The following ATP11A variants were observed in gnomAD, a reference collection of about 807,000 sequenced individuals.
The protein encoded by ATP11A is phospholipid-transporting ATPase IH.
In ATP11A, 81 loss-of-function variants were observed where a neutral mutation model predicts 154.4. The observed-to-expected ratio is 0.52, with a 90% CI of 0.44 to 0.63. The LOEUF (loss-of-function observed/expected upper bound fraction) is 0.63. ATP11A is among the 30% of genes least tolerant of loss of function. The pLI is 0.00. For synonymous variants in ATP11A, 623 were observed against 585.9 expected, an observed-to-expected ratio of 1.06 and a Z score of -0.91; for missense variants, 1,316 against 1,474.3, an observed-to-expected ratio of 0.89 and a Z score of 1.76.
chr13:112,837,093 G>A (rs73569075), intron 16 of ATP11A, among the ~76,000 whole-genome samples: 1,663 of 152,246 alleles, frequency 0.011, 28 homozygotes, highest in African/African-American at 0.038. Context: ...ACGTGCAGGC[G>A]CCCCTGGCTG....
At chr13:112,860,598 C>G in intron 24 of ATP11A, 184 bp downstream of exon 24, 1 of 644,942 alleles carries the variant, frequency 1.6e-6, no homozygotes, top group South Asian at 2.2e-5. Flanking sequence ...AATGGAGATT[C>G]TTCAAGTCTT....
At chr13:112,717,298 C>T (rs1019587176) in intron 1 of ATP11A, 2 of 152,174 alleles carry the variant, frequency 1.3e-5, no homozygotes, top group Admixed American at 1.3e-4. Flanking sequence ...TCACATCCAA[C>T]TTGTTTTTCT....
intron 17 of ATP11A, among the ~76,000 whole-genome samples, chr13:112,843,965 C>T (rs1006735924): frequency 2.6e-5 from 4 of 152,198 alleles, no homozygotes; most frequent in African/African-American, 4.8e-5. Flanking sequence ...CACTGACTTC[C>T]ACCAGCCACA....
intron 16 of ATP11A, among the ~76,000 whole-genome samples, chr13:112,841,512 G>A (rs1012523915): frequency 4.7e-5 from 7 of 148,186 alleles, no homozygotes; most frequent in African/African-American, 1.3e-4. Flanking sequence ...AGAGTGCCAC[G>A]TGGCTTGGTG....
At chr13:112,770,881 C>T (rs9577836) in intron 1 of ATP11A, among the ~76,000 whole-genome samples, 47,994 of 152,144 alleles carry the variant, frequency 0.32, 8,702 homozygotes, top group Middle Eastern at 0.46. Flanking sequence ...AAGCTATACA[C>T]GGACGGCAGA....
At chr13:112,714,810 C>T (rs1888237131) in intron 1 of ATP11A, among the ~76,000 whole-genome samples, 1 of 152,222 alleles carries the variant, frequency 6.6e-6, no homozygotes, top group South Asian at 2.1e-4. Flanking sequence ...CATGCAACAT[C>T]TTGTCTAGAT....
chr13:112,857,593 T>C (rs745531210), intron 20 of ATP11A, among the ~76,000 whole-genome samples: 7 of 152,260 alleles, frequency 4.6e-5, no homozygotes, highest in Non-Finnish European at 1.0e-4. Context: ...CACGTCATTT[T>C]AATCATACCT....
intron 1 of ATP11A, among the ~76,000 whole-genome samples, chr13:112,700,694 C>T (rs530545960): frequency 6.6e-6 from 1 of 152,244 alleles, no homozygotes; most frequent in African/African-American, 2.4e-5. Context: ...GTCCCCTTCA[C>T]TCGCAGAAGC....
rs2080951718 is a variant in ATP11A at position 112,885,068 on chromosome 13, C to T, written c.*3202C>T. 6.6e-6 allele frequency: 1 copy of T among 150,988 alleles called. No individual in the cohort carries two copies. 9.4% of individuals were successfully genotyped at this position (150,988 alleles called of 1,614,324 possible). A position where few individuals can be genotyped will look rare whatever the true frequency, so the allele number is the denominator to read the frequency against. On this transcript the variant is annotated 3_prime_UTR_variant, in exon 30 of 30. Transcript: ENST00000375645. ...ACAAACGTGTACACAAGTGTGAGCT[C>T]CTACACGCATACACACACACACGTG...
rs575786378 is a variant in ATP11A, at chr13:112,872,033, A to C, written c.3057+233A>C. Among the ~76,000 whole-genome samples, 5 of 152,344 alleles carry C rather than the reference A, an allele frequency of 3.3e-5. No homozygotes were observed. The South Asian group carries it at 1.0e-3, about 32-fold the overall frequency. ...CACCCCATGTGCAAACCCCAGAGCT[A>C]CACCGGAGGTAACCTCGGGAGCAAG... is the stretch of plus-strand genomic sequence containing the variant. On this transcript the variant is annotated intron_variant, in intron 26 of 29. Coordinates refer to ENST00000375645, the MANE Select transcript of ATP11A (RefSeq NM_015205.3).
chr13:112,868,628 A>G (rs1414655130), intron 25 of ATP11A, among the ~76,000 whole-genome samples: 1 of 152,182 alleles, frequency 6.6e-6, no homozygotes, highest in Non-Finnish European at 1.5e-5. Flanking sequence ...TCCCTGTGAA[A>G]AGCCCTTTGA....
At chr13:112,730,120 C>T (rs1161217082) in intron 1 of ATP11A, among the ~76,000 whole-genome samples, 1 of 152,198 alleles carries the variant, frequency 6.6e-6, no homozygotes, top group African/African-American at 2.4e-5. Context: ...GGGAACCCTT[C>T]GCAGCGGCCC....
intron 1 of ATP11A, among the ~76,000 whole-genome samples, chr13:112,734,132 C>G (rs1210791576): frequency 6.6e-6 from 1 of 152,140 alleles, no homozygotes. Context: ...CTGGGCTTCA[C>G]TAACTGTGCT....
chr13:112,765,638 G>A (rs2077057680), intron 1 of ATP11A, among the ~76,000 whole-genome samples: 1 of 152,214 alleles, frequency 6.6e-6, no homozygotes, highest in Non-Finnish European at 1.5e-5. Flanking sequence ...TGAGTCACGG[G>A]TTTGAGAGAG....
At chr13:112,860,696 G>T (rs527927301) in intron 24 of ATP11A, 7 of 294,516 alleles carry the variant, frequency 2.4e-5, no homozygotes, top group Non-Finnish European at 3.2e-5. Context: ...GGGAGCTGGG[G>T]TACAAGCGTC....
chr13:112,810,124 A>G (rs2078447963), intron 4 of ATP11A, among the ~76,000 whole-genome samples: 1 of 152,110 alleles, frequency 6.6e-6, no homozygotes, highest in African/African-American at 2.4e-5. Flanking sequence ...CAGATCTCAT[A>G]ACAATCAGTT....
At chr13:112,858,326 A>C (rs1362764550) in intron 22 of ATP11A, 36 bp downstream of exon 22, 1 of 1,590,066 alleles carries the variant, frequency 6.3e-7, no homozygotes, top group South Asian at 1.1e-5. Flanking sequence ...CGGTGTTAGC[A>C]ACAGGTCACG....
intron 1 of ATP11A, among the ~76,000 whole-genome samples, chr13:112,748,322 A>G (rs946311751): frequency 6.6e-6 from 1 of 152,220 alleles, no homozygotes; most frequent in African/African-American, 2.4e-5. Flanking sequence ...ATCATGTAGT[A>G]GATATATTTA....
rs544427388 is a variant in ATP11A, at chr13:112,786,895, G to A, written c.162+1638G>A. ...AGTGTCCTGATGTGTAGACCCCTGC[G>A]ATAGACCTACTTAATTCACACCGGT... On this transcript the variant is annotated intron_variant, in intron 2 of 29. Coordinates refer to ENST00000375645, the MANE Select transcript of ATP11A (RefSeq NM_015205.3). Among the ~76,000 whole-genome samples, 8 of 150,678 alleles carry A rather than the reference G, an allele frequency of 5.3e-5. No homozygotes were observed. In the South Asian group the frequency reaches 1.7e-3, roughly 32 times the overall value.
Sources: gnomAD v4.1 joint callset for allele counts (sites outside exome capture counted in the v4.1 genomes callset) on GRCh38, gnomAD v4.1.1 for gene constraint, MANE v1.5 for transcripts, NCBI Gene and HGNC (gene_info 2026-07-23, HGNC 2026-07-21) for gene names.